Variants in VPS13A observed in about 807,000 individuals in gnomAD.
VPS13A encodes vacuolar protein sorting 13 homolog A, also known as intermembrane lipid transfer protein VPS13A.
VPS13A carries 264 observed loss-of-function variants against 390.9 expected under a neutral mutation model. That is an observed-to-expected ratio of 0.68 (90% CI 0.61 to 0.75). VPS13A has a LOEUF of 0.75. Ranked by LOEUF, VPS13A falls within the 30% of genes least tolerant of loss-of-function variation. VPS13A has a pLI of 0.00. For missense variants in VPS13A, 3,409 were observed against 3,733.9 expected, an observed-to-expected ratio of 0.91 and a Z score of 2.27; for synonymous variants, 1,231 against 1,227.1, an observed-to-expected ratio of 1.00 and a Z score of -0.07.
At chr9:77,239,053 T>G (rs912384703) in intron 19 of VPS13A, among the ~76,000 whole-genome samples, 2 of 152,174 alleles carry the variant, frequency 1.3e-5, no homozygotes, top group African/African-American at 2.4e-5. Flanking sequence ...TCAAATTTTT[T>G]GTATCCTTAC....
At chr9:77,352,755 A>G (rs1025678160) in intron 53 of VPS13A, among the ~76,000 whole-genome samples, 45 of 152,138 alleles carry the variant, frequency 3.0e-4, no homozygotes, top group Non-Finnish European at 7.4e-5. Context: ...ATTTTATGGT[A>G]ACAACTCACA....
Position 77,418,567 on chromosome 9 carries a change from G to GTGT in VPS13A, c.*2563_*2565dup, listed in dbSNP as rs1835243020. 1 of 152,072 alleles carries GTGT rather than the reference G, an allele frequency of 6.6e-6. No individual in the cohort carries two copies. The highest frequency in any genetic ancestry group is 2.4e-5 in the African/African-American group (1 of 41,396). 9.4% of individuals were successfully genotyped at this position (152,072 alleles called of 1,614,324 possible). A position where few individuals can be genotyped will look rare whatever the true frequency, so the allele number is the denominator to read the frequency against. On this transcript the variant is annotated 3_prime_UTR_variant, in exon 72 of 72. Transcript: ENST00000360280. Reference sequence around the variant, plus strand: ...ATACATATTTGCTGCTTTTCCTTTAGTGTTCACAAAAATCCCAAGGTCAGT... The same window carrying GTGT: ...ATACATATTTGCTGCTTTTCCTTTAGTGTTGTTCACAAAAATCCCAAGGTCAGT...
chr9:77,265,809 T>A (rs1826006276), intron 23 of VPS13A, among the ~76,000 whole-genome samples: 1 of 152,190 alleles, frequency 6.6e-6, no homozygotes, highest in Non-Finnish European at 1.5e-5. Context: ...TCTGCTCTGA[T>A]CTTAGTTATT....
intron 70 of VPS13A, among the ~76,000 whole-genome samples, chr9:77,406,480 C>T (rs991298436): frequency 9.9e-5 from 15 of 152,138 alleles, no homozygotes; most frequent in South Asian, 2.1e-4. Flanking sequence ...AGTGCAGTGG[C>T]GCTCTTGGAT....
At position 77,345,070 on chromosome 9, in the gene VPS13A, A is replaced by G. The variant is rs1831074088; in HGVS notation, c.7217A>G (p.Asp2406Gly). The change falls in exon 52 of 72, where the codon GAT becomes GGT. Residue 2406 changes from aspartate (D) to glycine (G), a missense_variant. Asp to Gly is a moderately conservative substitution (Grantham distance 94, BLOSUM62 -1). Transcript: ENST00000360280. ...CATTCTACAGTTATTACATTTTTAG[A>G]TTATCATGATGGAGCAGCTACATTC... The part of the protein sequence containing the change: ...AEHSTVITFL[D>G]YHDGAATFLL... 3 of 1,613,256 alleles carry G rather than the reference A, an allele frequency of 1.9e-6. No homozygotes were observed. Among genetic ancestry groups the G allele is most frequent in the Non-Finnish European group, 1.7e-6 (2 of 1,179,780 alleles).
rs1016094776 is a variant in VPS13A at position 77,283,394 on chromosome 9, A to G, written c.3158A>G (p.Gln1053Arg). The G allele has an allele frequency of 3.7e-6, 6 of 1,607,062 alleles. No homozygotes were observed. The African/African-American group carries it at 6.7e-5, about 18-fold the overall frequency. The change falls in exon 30 of 72, where the codon CAG (glutamine) becomes CGG (arginine). Residue 1053 changes from glutamine to arginine, a missense_variant. Physicochemically the swap from Gln to Arg is conservative, Grantham distance 43. Around this residue, in one of 5 missense-constraint regions of VPS13A, gnomAD observed 2,717 missense variants for 2,917.4 expected, o/e 0.93. Transcript: ENST00000360280. ...ACAAATGAAGATATCATTACTTTGCAGATTTTAGCAGAATTATCGTGTTTA... is the reference window on the plus strand; with the variant it reads ...ACAAATGAAGATATCATTACTTTGCGGATTTTAGCAGAATTATCGTGTTTA... The part of the protein sequence containing the change: ...LSTNEDIITL[Q>R]ILAELSCLQI...
chr9:77,208,271 G>A (rs1476125909), intron 5 of VPS13A, among the ~76,000 whole-genome samples: 1 of 151,918 alleles, frequency 6.6e-6, no homozygotes, highest in Non-Finnish European at 1.5e-5. Flanking sequence ...TTTAACTCTG[G>A]TGTATTTGAG....
intron 7 of VPS13A, among the ~76,000 whole-genome samples, chr9:77,212,264 C>CT (rs1340162460): frequency 2.0e-5 from 3 of 152,050 alleles, no homozygotes; most frequent in Non-Finnish European, 2.9e-5. Context: ...CCTGGTTTTA[C>CT]TTTTTTTCTC....
intron 17 of VPS13A, among the ~76,000 whole-genome samples, chr9:77,231,169 A>G (rs1441583110): frequency 6.6e-6 from 1 of 152,114 alleles, no homozygotes; most frequent in Non-Finnish European, 1.5e-5. Flanking sequence ...TGATCATATA[A>G]TCTGCAAATA....
At chr9:77,371,763 C>T (rs1156533362) in intron 67 of VPS13A, among the ~76,000 whole-genome samples, 1 of 147,998 alleles carries the variant, frequency 6.8e-6, no homozygotes. Context: ...CCCACTAACT[C>T]GTCATCTAGC....
At chr9:77,253,034 T>C (rs1337121193) in intron 22 of VPS13A, among the ~76,000 whole-genome samples, 1 of 152,222 alleles carries the variant, frequency 6.6e-6, no homozygotes, top group African/African-American at 2.4e-5. Context: ...GTTCAGTGTT[T>C]AAGTTTTAGA....
rs1829322194 is a variant in VPS13A, at chr9:77,315,280, C to CA, written c.4446dup (p.Asp1483ArgfsTer17). 6.2e-7 allele frequency: 1 copy of CA among 1,613,678 alleles called. No homozygotes were observed. Among genetic ancestry groups the CA allele is most frequent in the Non-Finnish European group, 8.5e-7 (1 of 1,179,728 alleles). On this transcript the variant is annotated frameshift_variant, in exon 38 of 72. Coordinates refer to ENST00000360280, the MANE Select transcript of VPS13A (RefSeq NM_033305.3). LOFTEE classifies it high-confidence loss of function. ...TGATAGGACTGACAGTTGGTTTTGA[C>CA]AAAAAAGACATGATGGATATAAAGT...
Position 77,377,132 on chromosome 9 carries a change from T to C in VPS13A, c.9078-4844T>C, listed in dbSNP as rs1466525540. Among the ~76,000 whole-genome samples, 3 of 152,092 alleles carry C rather than the reference T, an allele frequency of 2.0e-5. 1 individual carries two copies. The highest frequency in any genetic ancestry group is 6.8e-3 in the Middle Eastern group (2 of 294). ...GGTCTTCTTGAATTGCTTTCAATAATGTTTTATAGTTTGTAATGTACGAGT... is the reference window on the plus strand; with the variant it reads ...GGTCTTCTTGAATTGCTTTCAATAACGTTTTATAGTTTGTAATGTACGAGT... On this transcript the variant is annotated intron_variant, in intron 67 of 71. Transcript: ENST00000360280.
chr9:77,283,337 A>G lies in VPS13A; in HGVS notation c.3119-18A>G, dbSNP rs747443978. ...AATGTTTTTCCTCATGTTTTATAAT[A>G]TGAATTTTTTTTTGCAGCTTTAAAA... On this transcript the variant is annotated intron_variant, in intron 29 of 71. Coordinates refer to ENST00000360280, the MANE Select transcript of VPS13A (RefSeq NM_033305.3). 13 of 1,414,718 alleles carry G rather than the reference A, an allele frequency of 9.2e-6. No individual in the cohort carries two copies. The highest frequency in any genetic ancestry group is 6.9e-5 in the Admixed American group (4 of 58,318). 87.6% of individuals were successfully genotyped at this position (1,414,718 alleles called of 1,614,324 possible). A position where few individuals can be genotyped will look rare whatever the true frequency, so the allele number is the denominator to read the frequency against.
intron 35 of VPS13A, among the ~76,000 whole-genome samples, chr9:77,308,380 A>G (rs544645700): frequency 2.0e-5 from 3 of 152,172 alleles, no homozygotes; most frequent in African/African-American, 7.2e-5. Flanking sequence ...TTGTAACAAA[A>G]TTCCTCAGTA....
At chr9:77,229,714 G>A (rs1823716753) in intron 17 of VPS13A, among the ~76,000 whole-genome samples, 1 of 152,110 alleles carries the variant, frequency 6.6e-6, no homozygotes. Context: ...GCTCTTCTGA[G>A]TATTGCAGCT....
chr9:77,345,084 G>A lies in VPS13A; in HGVS notation c.7231G>A (p.Ala2411Thr), dbSNP rs760875004. The change falls in exon 52 of 72, where the codon GCA becomes ACA. Residue 2411 changes from alanine to threonine, a missense_variant. Around this residue, in one of 5 missense-constraint regions of VPS13A, gnomAD observed 2,717 missense variants for 2,917.4 expected, o/e 0.93. Transcript: ENST00000360280. Reference protein sequence around the residue: ...VITFLDYHDGAATFLLINHTK... With the variant: ...VITFLDYHDGTATFLLINHTK... ...TACATTTTTAGATTATCATGATGGA[G>A]CAGCTACATTCCTCTTAATAAATCA... 1 of 1,613,164 alleles carries A rather than the reference G, an allele frequency of 6.2e-7. No individual in the cohort carries two copies. The highest frequency in any genetic ancestry group is 1.3e-5 in the African/African-American group (1 of 75,034).
chr9:77,313,952 A>T (rs1231506961), intron 35 of VPS13A, 40 bp from the exon 36 acceptor site: 1 of 1,583,644 alleles, frequency 6.3e-7, no homozygotes, highest in South Asian at 1.1e-5. Flanking sequence ...GCTACTTTTC[A>T]TGATATTTTC....
rs1482925247 is a variant in VPS13A, at chr9:77,207,243, A to ACG, written c.385+1164_385+1165insCG. On this transcript the variant is annotated intron_variant, in intron 5 of 71. Transcript: ENST00000360280. Reference sequence around the variant, plus strand: ...TATATATATATATATATATATATATATATATATATAAAACGTGTTATATGT... The same window carrying ACG: ...TATATATATATATATATATATATATACGTATATATATAAAACGTGTTATATGT... 1.5e-3 allele frequency among the ~76,000 whole-genome samples: 154 copies of ACG among 103,210 alleles called. 9 individuals carry two copies. The highest frequency in any genetic ancestry group is 7.2e-3 in the Admixed American group (65 of 9,086). 67.7% of individuals were successfully genotyped at this position (103,210 alleles called of 152,430 possible).
Sources: allele counts gnomAD v4.1 joint callset (sites outside exome capture counted in the v4.1 genomes callset), GRCh38; gene constraint gnomAD v4.1.1; regional missense constraint gnomAD v4.1.1; transcripts MANE v1.5; gene names NCBI Gene and HGNC (gene_info 2026-07-23, HGNC 2026-07-21).